The following PYGB variants were observed in gnomAD, a reference collection of about 807,000 sequenced individuals.
The protein encoded by PYGB is glycogen phosphorylase B.
Under a neutral mutation model 94.3 loss-of-function variants are expected in PYGB, and 82 were observed. The observed-to-expected ratio is 0.87, with a 90% CI of 0.73 to 1.04. The LOEUF is 1.04. Ranked by LOEUF, PYGB falls within the 50% of genes least tolerant of loss-of-function variation. PYGB has a pLI of 0.00. For synonymous variants in PYGB, 488 were observed against 479.1 expected, an observed-to-expected ratio of 1.02 and a Z score of -0.24; for missense variants, 1,132 against 1,158.2, an observed-to-expected ratio of 0.98 and a Z score of 0.33.
At chr20:25,270,966 G>A (rs535755567) in intron 3 of PYGB, among the ~76,000 whole-genome samples, 3 of 152,162 alleles carry the variant, frequency 2.0e-5, no homozygotes, top group East Asian at 1.9e-4. Context: ...CTGCTGTGCC[G>A]GCTTCACTCA....
Position 25,269,153 on chromosome 20 carries a change from G to A in PYGB, c.370G>A (p.Glu124Lys), listed in dbSNP as rs749943157. 15 of 1,597,398 alleles carry A rather than the reference G, an allele frequency of 9.4e-6. No homozygotes were observed. In the East Asian group the frequency reaches 1.8e-4, roughly 19 times the overall value. Reference protein sequence around the residue: ...YQLGLDLEELEEIEEDAGLGN... With the variant: ...YQLGLDLEELKEIEEDAGLGN... ...GTTGGGGTTAGACTTGGAGGAACTC[G>A]AGGAGATAGAAGAAGATGCTGGCCT... The change falls in exon 3 of 20, where the codon GAG becomes AAG. Residue 124 changes from glutamate to lysine, a missense_variant. Physicochemically the swap from Glu to Lys is moderately conservative, Grantham distance 56 (BLOSUM62 1). Transcript: ENST00000216962.
At chr20:25,267,534 ATTGTTG>A (rs11468520) in intron 2 of PYGB, among the ~76,000 whole-genome samples, 2 of 150,740 alleles carry the variant, frequency 1.3e-5, no homozygotes, top group African/African-American at 4.9e-5. Flanking sequence ...TTTTTGTGTC[ATTGTTG>A]TTGTTGTTGA....
intron 14 of PYGB, among the ~76,000 whole-genome samples, chr20:25,286,188 T>A (rs968005996): frequency 2.0e-5 from 3 of 152,250 alleles, no homozygotes; most frequent in African/African-American, 7.2e-5. Flanking sequence ...GTTGCTGGAC[T>A]TCAGGGAAGT....
In PYGB at chr20:25,286,373, C is replaced by T. The variant is rs532903959; in HGVS notation, c.1769-2052C>T. The stretch of plus-strand genomic sequence containing the variant: ...TGGAGTCTCTGCCGGCTGCACTCTC[C>T]TCCCGTGCCCTCTGCTCCTCTCCTC... On this transcript the variant is annotated intron_variant, in intron 14 of 19. Coordinates refer to ENST00000216962, the MANE Select transcript of PYGB (RefSeq NM_002862.4). 1.1e-3 allele frequency among the ~76,000 whole-genome samples: 172 copies of T among 152,316 alleles called. 1 individual carries two copies. Among genetic ancestry groups the T allele is most frequent in the African/African-American group, 4.0e-3 (166 of 41,570 alleles).
chr20:25,266,064 T>C (rs1420435685), intron 2 of PYGB, among the ~76,000 whole-genome samples: 1 of 151,950 alleles, frequency 6.6e-6, no homozygotes, highest in African/African-American at 2.4e-5. Flanking sequence ...TTGGTCAGGC[T>C]GTTCTCAAAC....
chr20:25,285,648 C>T (rs2088411440), intron 14 of PYGB: 1 of 152,138 alleles, frequency 6.6e-6, no homozygotes, highest in East Asian at 1.9e-4. Context: ...TGCTCCATGT[C>T]TGTGTGTGCA....
intron 4 of PYGB, among the ~76,000 whole-genome samples, chr20:25,273,720 T>G (rs902031244): frequency 4.6e-5 from 7 of 152,032 alleles, no homozygotes; most frequent in Admixed American, 2.0e-4. Context: ...GGAATAAGCT[T>G]CTTCTTGGAA....
At position 25,281,998 on chromosome 20, in the gene PYGB, C is replaced by T. The variant is rs201692586; in HGVS notation, c.1404-35C>T. 1.4e-4 allele frequency: 217 copies of T among 1,537,662 alleles called. 2 individuals carry two copies. The South Asian group carries it at 2.4e-3, about 17-fold the overall frequency. ...GTTGCTCACCTGGTGCAGGGCACAG[C>T]ATTTGTGACAGTTCCCTGTTCTCTG... On this transcript the variant is annotated intron_variant, in intron 11 of 19. Transcript: ENST00000216962.
In PYGB at chr20:25,248,113, ATCCCG is replaced by A. The variant is rs2123497612; in HGVS notation, c.-65_-61del. The A allele has an allele frequency of 2.0e-6, 3 of 1,490,986 alleles. No individual in the cohort carries two copies. Among genetic ancestry groups the A allele is most frequent in the Non-Finnish European group, 1.8e-6 (2 of 1,123,826 alleles). 92.4% of individuals were successfully genotyped at this position (1,490,986 alleles called of 1,614,324 possible). On this transcript the variant is annotated 5_prime_UTR_variant, in exon 1 of 20. Coordinates refer to ENST00000216962, the MANE Select transcript of PYGB (RefSeq NM_002862.4). ...GCAGCGGCGCCAGAGCAGCTGCACCATCCCGGCGTTCGCGTGTGCCGCCGCTTTCC... is the reference window on the plus strand; with the variant it reads ...GCAGCGGCGCCAGAGCAGCTGCACCAGCGTTCGCGTGTGCCGCCGCTTTCC...
chr20:25,249,455 A>G (rs910950332), intron 1 of PYGB, among the ~76,000 whole-genome samples: 1 of 152,240 alleles, frequency 6.6e-6, no homozygotes, highest in African/African-American at 2.4e-5. Context: ...AGAACTGGTG[A>G]GGAAAAGACA....
chr20:25,283,508 A>G (rs1292716111), intron 13 of PYGB, among the ~76,000 whole-genome samples: 1 of 152,206 alleles, frequency 6.6e-6, no homozygotes, highest in East Asian at 1.9e-4. Context: ...CATGGCAGAT[A>G]GGTGAGTGCA....
At chr20:25,272,966 C>G (rs1410346382) in intron 4 of PYGB, among the ~76,000 whole-genome samples, 1 of 152,212 alleles carries the variant, frequency 6.6e-6, no homozygotes, top group Non-Finnish European at 1.5e-5. Flanking sequence ...GGTCCTCGTT[C>G]CTGTAACTCT....
At position 25,294,171 on chromosome 20, in the gene PYGB, GAGTA is replaced by G. The variant is rs753409557; in HGVS notation, c.2192_2195del (p.Glu731AlafsTer8). 3.1e-6 allele frequency: 5 copies of G among 1,613,672 alleles called. No homozygotes were observed. Among genetic ancestry groups the G allele is most frequent in the Non-Finnish European group, 4.2e-6 (5 of 1,180,032 alleles). Reference sequence around the variant, plus strand: ...ATCGCCTCACAGGTACAATGCCAGGGAGTACTACGACCACCTGCCCGAGCTGAAG... The same window carrying G: ...ATCGCCTCACAGGTACAATGCCAGGGCTACGACCACCTGCCCGAGCTGAAG... On this transcript the variant is annotated frameshift_variant, in exon 18 of 20. Coordinates refer to ENST00000216962, the MANE Select transcript of PYGB (RefSeq NM_002862.4). LOFTEE classifies it high-confidence loss of function.
chr20:25,251,445 G>C (rs945394100), intron 1 of PYGB: 1 of 152,214 alleles, frequency 6.6e-6, no homozygotes, highest in Admixed American at 6.5e-5. Context: ...TGAAATGTTA[G>C]AGTTAAAATG....
intron 2 of PYGB, among the ~76,000 whole-genome samples, chr20:25,265,486 G>A (rs1383372008): frequency 6.6e-6 from 1 of 152,102 alleles, no homozygotes; most frequent in African/African-American, 2.4e-5. Context: ...ATGATGCTGA[G>A]CATCTTTTCA....
At chr20:25,280,219 C>T (rs751125334) in intron 9 of PYGB, 47 bp from the exon 10 acceptor site, 2 of 1,598,170 alleles carry the variant, frequency 1.3e-6, no homozygotes, top group African/African-American at 2.7e-5. Context: ...GGCCAGAGAG[C>T]TGCTTGTTTC....
intron 1 of PYGB, among the ~76,000 whole-genome samples, chr20:25,248,930 G>A (rs2123500058): frequency 6.6e-6 from 1 of 152,352 alleles, no homozygotes; most frequent in Admixed American, 6.5e-5. Flanking sequence ...GAAAATCACT[G>A]AAGATGCCTG....
chr20:25,282,077 A>G lies in PYGB; in HGVS notation c.1448A>G (p.Lys483Arg). Residue 483 changes from lysine (K) to arginine (R), a missense_variant, in exon 12 of 20, where the codon AAG becomes AGG. Physicochemically the swap from Lys to Arg is conservative, Grantham distance 26. Coordinates refer to ENST00000216962, the MANE Select transcript of PYGB (RefSeq NM_002862.4). ...YELEPEKFQN[K>R]TNGITPRRWL... Reference sequence around the variant, plus strand: ...CTGGAGCCAGAGAAGTTCCAGAATAAGACCAATGGCATCACCCCCCGCCGG... The same window carrying G: ...CTGGAGCCAGAGAAGTTCCAGAATAGGACCAATGGCATCACCCCCCGCCGG... 6.2e-7 allele frequency: 1 copy of G among 1,614,000 alleles called. No individual in the cohort carries two copies. Among genetic ancestry groups the G allele is most frequent in the Non-Finnish European group, 8.5e-7 (1 of 1,179,976 alleles).
rs1361391740 is a variant in PYGB, at chr20:25,278,482, G to A, written c.999+20G>A. 1.2e-6 allele frequency: 2 copies of A among 1,612,940 alleles called. No individual in the cohort carries two copies. The highest frequency in any genetic ancestry group is 1.1e-5 in the South Asian group (1 of 91,038). On this transcript the variant is annotated intron_variant, in intron 8 of 19. Transcript: ENST00000216962. ...GACAAGGTGCATGGTGGCCCTGGGA[G>A]GGATCTCAGTGCCAGGGGCTGGGCG...
Sources: allele counts gnomAD v4.1 joint callset (sites outside exome capture counted in the v4.1 genomes callset), GRCh38; gene constraint gnomAD v4.1.1; transcripts MANE v1.5; gene names NCBI Gene and HGNC (gene_info 2026-07-23, HGNC 2026-07-21).